YBX3: variants seen among roughly 807,000 people sequenced by gnomAD.
YBX3 encodes Y-box binding protein 3, also known as Y-box-binding protein 3.
In YBX3, 29 loss-of-function variants were observed where a neutral mutation model predicts 42.4. The ratio of observed to expected loss-of-function variants is 0.68; its 90% CI spans 0.51 to 0.93. The LOEUF (loss-of-function observed/expected upper bound fraction) is 0.93, where lower values mean the gene tolerates loss of function less well. YBX3 is among the 40% of genes least tolerant of loss of function. YBX3 has a pLI of 0.00. For missense variants in YBX3, 517 were observed against 527.5 expected (o/e 0.98, Z 0.19); for synonymous variants, 195 against 189.8 (o/e 1.03, Z -0.22).
chr12:10,719,023 C>T, intron 2 of YBX3, 57 bp downstream of exon 2: 2 of 1,532,610 alleles, frequency 1.3e-6, no homozygotes, highest in Admixed American at 3.4e-5. Context: ...ATTTATAACT[C>T]CTGGTGCCAC....
At chr12:10,708,373 G>A (rs1044134840) in intron 6 of YBX3, among the ~76,000 whole-genome samples, 2 of 151,686 alleles carry the variant, frequency 1.3e-5, no homozygotes, top group Non-Finnish European at 2.9e-5. Flanking sequence ...AGTAGAAAAC[G>A]TTGGCGAAGA....
chr12:10,719,538 C>T (rs1311142900), intron 1 of YBX3, among the ~76,000 whole-genome samples: 1 of 152,182 alleles, frequency 6.6e-6, no homozygotes, highest in Non-Finnish European at 1.5e-5. Context: ...GACCTTAACA[C>T]ATCACTTTCA....
chr12:10,707,677 C>T (rs1362327844), intron 6 of YBX3, among the ~76,000 whole-genome samples: 1 of 152,188 alleles, frequency 6.6e-6, no homozygotes, highest in Non-Finnish European at 1.5e-5. Flanking sequence ...CCTTTACTGG[C>T]TTCTCATCAC....
chr12:10,716,673 A>G (rs559166656), intron 3 of YBX3, among the ~76,000 whole-genome samples: 39 of 152,306 alleles, frequency 2.6e-4, no homozygotes, highest in African/African-American at 9.4e-4. Flanking sequence ...TATTTTATAA[A>G]GCGATTAAGC....
intron 2 of YBX3, chr12:10,718,491 T>G (rs1448536926): frequency 5.3e-6 from 1 of 190,052 alleles, no homozygotes; most frequent in African/African-American, 2.4e-5. Flanking sequence ...AGGCTCTCCT[T>G]ACACTGAAAC....
At chr12:10,719,199 A>G (rs1161220842) in intron 1 of YBX3, 56 bp from the exon 2 acceptor site, 13 of 1,416,002 alleles carry the variant, frequency 9.2e-6, no homozygotes, top group Non-Finnish European at 1.2e-5. Context: ...GATATAGCTC[A>G]TATCACTAAG....
intron 6 of YBX3, 45 bp downstream of exon 6, chr12:10,709,862 CG>C (rs750133551): frequency 1.2e-6 from 2 of 1,606,418 alleles, no homozygotes; most frequent in Non-Finnish European, 8.5e-7. Flanking sequence ...CAGAGAAGGA[CG>C]GAAGGGTGAG....
intron 6 of YBX3, among the ~76,000 whole-genome samples, chr12:10,708,709 C>T (rs4763578): frequency 0.32 from 48,390 of 152,106 alleles, 8,292 homozygotes; most frequent in East Asian, 0.64. Flanking sequence ...AGCTTTCGAT[C>T]AGCTTCTGCA....
intron 9 of YBX3, 26 bp from the exon 10 acceptor site, chr12:10,699,680 T>C (rs1005575508): frequency 1.3e-5 from 2 of 152,544 alleles, no homozygotes; most frequent in African/African-American, 4.8e-5. Flanking sequence ...ATCAAACTTA[T>C]AAAGAGTGAC....
intron 2 of YBX3, 105 bp downstream of exon 2, chr12:10,718,975 C>T: frequency 1.9e-6 from 2 of 1,040,448 alleles, no homozygotes; most frequent in Non-Finnish European, 2.8e-6. Context: ...GCTTAGAAAC[C>T]TAAAAAATTT....
intron 5 of YBX3, chr12:10,710,629 A>T (rs1467595279): frequency 8.3e-7 from 1 of 1,204,094 alleles, no homozygotes; most frequent in African/African-American, 1.6e-5. Flanking sequence ...AACTATTGCC[A>T]TAATATTACT....
At chr12:10,715,995 C>G in intron 3 of YBX3, 1 of 531,476 alleles carries the variant, frequency 1.9e-6, no homozygotes, top group Non-Finnish European at 3.4e-6. Context: ...TGCTATTCAT[C>G]TTGACAGGTG....
Position 10,701,264 on chromosome 12 carries a change from T to TGAA in YBX3, c.*21_*23dup. The TGAA allele has an allele frequency of 1.3e-6, 1 of 779,186 alleles. No individual in the cohort carries two copies. Among genetic ancestry groups the TGAA allele is most frequent in the Admixed American group, 1.7e-5 (1 of 58,786 alleles). The allele number at this position is 779,186 out of a possible 1,614,324, so 48.3% of individuals were successfully genotyped here. ...TGCCCCAGCTCTTACCTGCCGATGG[T>TGAA]GAAGGTGCCTGAGGAGCCTGGTGTT... On this transcript the variant is annotated 3_prime_UTR_variant, in exon 9 of 10. Transcript: ENST00000228251.
intron 6 of YBX3, 30 bp from the exon 7 acceptor site, chr12:10,704,178 T>C: frequency 6.3e-7 from 1 of 1,590,660 alleles, no homozygotes; most frequent in Middle Eastern, 1.7e-4. Flanking sequence ...TGACAGTGAG[T>C]GTCACAGCAC....
At position 10,709,769 on chromosome 12, in the gene YBX3, C is replaced by G. The variant is rs1218176896; in HGVS notation, c.780+139G>C. On this transcript the variant is annotated intron_variant, in intron 6 of 9. Transcript: ENST00000228251. Reference sequence around the variant, plus strand: ...CTGCTTTGAAAAAACAGACTGAAGGCCTTGCCTCAGCTTTTGTAGCATCAG... The same window carrying G: ...CTGCTTTGAAAAAACAGACTGAAGGGCTTGCCTCAGCTTTTGTAGCATCAG... 2.9e-6 allele frequency: 3 copies of G among 1,037,878 alleles called. No individual in the cohort carries two copies. In the African/African-American group the frequency reaches 4.7e-5, roughly 16 times the overall value. The allele number at this position is 1,037,878 out of a possible 1,614,324, so 64.3% of individuals were successfully genotyped here.
rs566378677 is a variant in YBX3, at chr12:10,723,069, G to GGGT, written c.40_42dup (p.Thr14dup). The GGGT allele has an allele frequency of 4.3e-3, 5,226 of 1,207,684 alleles. 105 individuals are homozygous for GGGT. The African/African-American group carries it at 0.061, about 14-fold the overall frequency. 74.8% of individuals were successfully genotyped at this position (1,207,684 alleles called of 1,614,324 possible). On this transcript the variant is annotated inframe_insertion, in exon 1 of 10. Transcript: ENST00000228251. ...GCCGCCTCCGTCGGAGCCTGCGGGAGGGTGGTGGTGGTGGTGGTGGTGGCC... is the reference window on the plus strand; with the variant it reads ...GCCGCCTCCGTCGGAGCCTGCGGGAGGGTGGTGGTGGTGGTGGTGGTGGTGGCC...
intron 5 of YBX3, chr12:10,710,451 A>G (rs1050831865): frequency 1.3e-4 from 155 of 1,225,518 alleles, no homozygotes; most frequent in Non-Finnish European, 1.6e-4. Context: ...GCTCCATCAA[A>G]TGCGTGTCTC....
In YBX3 at chr12:10,723,124, T is replaced by C. The variant is rs950825193; in HGVS notation, c.-13A>G. Reference sequence around the variant, plus strand: ...CCGCCTCACTCATGCCTCCTCCTCCTCTGCTCTCGCTCAGGCGCCTCGGTG... The same window carrying C: ...CCGCCTCACTCATGCCTCCTCCTCCCCTGCTCTCGCTCAGGCGCCTCGGTG... On this transcript the variant is annotated 5_prime_UTR_variant, in exon 1 of 10. Transcript: ENST00000228251. 9.2e-5 allele frequency: 111 copies of C among 1,200,028 alleles called. 1 individual carries two copies. Among genetic ancestry groups the C allele is most frequent in the Non-Finnish European group, 2.6e-5 (25 of 968,058 alleles). 74.3% of individuals were successfully genotyped at this position (1,200,028 alleles called of 1,614,324 possible).
At position 10,701,254 on chromosome 12, in the gene YBX3, C is replaced by A. The variant is rs577640388; in HGVS notation, c.*34G>T. ...AAGACTGGGCTGCCCCAGCTCTTAC[C>A]TGCCGATGGTGAAGGTGCCTGAGGA... On this transcript the variant is annotated splice_region_variant and 3_prime_UTR_variant, in exon 9 of 10. Transcript: ENST00000228251. The A allele has an allele frequency of 9.0e-6, 7 of 777,736 alleles. No homozygotes were observed. The highest frequency in any genetic ancestry group is 1.7e-5 in the Non-Finnish European group (7 of 417,478). The allele number at this position is 777,736 out of a possible 1,614,324, so 48.2% of individuals were successfully genotyped here.
Sources: allele counts gnomAD v4.1 joint callset (sites outside exome capture counted in the v4.1 genomes callset), GRCh38; gene constraint gnomAD v4.1.1; transcripts MANE v1.5; gene names NCBI Gene and HGNC (gene_info 2026-07-23, HGNC 2026-07-21).